The following DLD variants were observed in gnomAD, a reference collection of about 807,000 sequenced individuals.
The protein encoded by DLD is dihydrolipoamide dehydrogenase.
Under a neutral mutation model 62.2 loss-of-function variants are expected in DLD, and 36 were observed. The observed-to-expected ratio is 0.58, with a 90% CI of 0.44 to 0.76. DLD has a LOEUF of 0.76. Ranked by LOEUF, DLD falls within the 30% of genes least tolerant of loss-of-function variation. The pLI, the probability that DLD is intolerant of heterozygous loss-of-function variation, is 0.00. For missense variants in DLD, 541 were observed against 608.6 expected (o/e 0.89, Z 1.17); for synonymous variants, 204 against 199.6 (o/e 1.02, Z -0.19).
At chr7:107,918,792 T>G (rs1046800840) in intron 12 of DLD, among the ~76,000 whole-genome samples, 2 of 152,194 alleles carry the variant, frequency 1.3e-5, no homozygotes, top group Non-Finnish European at 2.9e-5. Flanking sequence ...ATGGTTAAGG[T>G]AGTAAGTGGT....
At chr7:107,914,697 G>T (rs2032225185) in intron 8 of DLD, among the ~76,000 whole-genome samples, 1 of 152,044 alleles carries the variant, frequency 6.6e-6, no homozygotes. Context: ...ATTACCAGAT[G>T]ATTTTAATAT....
chr7:107,902,537 A>AT (rs2031903886), intron 4 of DLD, 144 bp downstream of exon 4: 1 of 777,220 alleles, frequency 1.3e-6, no homozygotes, highest in Non-Finnish European at 2.2e-6. Flanking sequence ...AAAAAGAATG[A>AT]TAAAAAACAC....
intron 2 of DLD, among the ~76,000 whole-genome samples, chr7:107,897,501 G>A (rs1054085095): frequency 3.3e-5 from 5 of 151,306 alleles, no homozygotes; most frequent in African/African-American, 1.2e-4. Context: ...GCTTACATAA[G>A]ACAGTACACG....
chr7:107,914,479 G>A (rs913203236), intron 8 of DLD, among the ~76,000 whole-genome samples: 2 of 152,046 alleles, frequency 1.3e-5, no homozygotes, highest in Admixed American at 6.6e-5. Context: ...CTTCTCCTAG[G>A]TGTTCTTCTG....
chr7:107,915,009 A>C (rs1300386527), intron 8 of DLD, among the ~76,000 whole-genome samples: 2 of 151,990 alleles, frequency 1.3e-5, no homozygotes, highest in South Asian at 2.1e-4. Context: ...CTAGAGCAAC[A>C]CTCTTGCCCC....
intron 2 of DLD, among the ~76,000 whole-genome samples, chr7:107,899,460 C>T (rs540145032): frequency 1.8e-4 from 27 of 151,772 alleles, no homozygotes; most frequent in African/African-American, 6.0e-4. Flanking sequence ...TTCTCCTGAC[C>T]TTACTAAAAC....
At chr7:107,912,874 A>G (rs1260253914) in intron 8 of DLD, among the ~76,000 whole-genome samples, 3 of 152,186 alleles carry the variant, frequency 2.0e-5, no homozygotes, top group South Asian at 4.1e-4. Flanking sequence ...GTCTTTGCCC[A>G]GACCAGTGTC....
intron 1 of DLD, among the ~76,000 whole-genome samples, chr7:107,892,571 A>G (rs2031613401): frequency 7.0e-6 from 1 of 143,688 alleles, no homozygotes; most frequent in Admixed American, 6.9e-5. Context: ...TTTGAGACGG[A>G]GTCTCACTCT....
At chr7:107,908,926 G>C (rs962091798) in intron 8 of DLD, among the ~76,000 whole-genome samples, 1 of 152,022 alleles carries the variant, frequency 6.6e-6, no homozygotes, top group African/African-American at 2.4e-5. Flanking sequence ...TTAATGTTTA[G>C]TACTTAGGTC....
At chr7:107,906,485 C>T in intron 8 of DLD, 117 bp downstream of exon 8, 5 of 717,704 alleles carry the variant, frequency 7.0e-6, no homozygotes, top group Middle Eastern at 2.4e-4. Flanking sequence ...TTTGCTTAAA[C>T]ACTTCTAGTA....
At position 107,906,343 on chromosome 7, in the gene DLD, G is replaced by C; in HGVS notation, c.659G>C (p.Gly220Ala). ...GTTCCAGAAAAGATGGTTGTTATTG[G>C]TGCAGGAGTAATAGGTGTAGAATTG... is the stretch of plus-strand genomic sequence containing the variant. The part of the protein sequence containing the change: ...KKVPEKMVVI[G>A]AGVIGVELGS... The change falls in exon 8 of 14, where the codon GGT (glycine) becomes GCT (alanine). Residue 220 changes from glycine to alanine, a missense_variant. Coordinates refer to ENST00000205402, the MANE Select transcript of DLD (RefSeq NM_000108.5). 1 of 1,610,604 alleles carries C rather than the reference G, an allele frequency of 6.2e-7. No individual in the cohort carries two copies. Among genetic ancestry groups the C allele is most frequent in the Non-Finnish European group, 8.5e-7 (1 of 1,176,952 alleles).
intron 4 of DLD, 135 bp from the exon 5 acceptor site, chr7:107,903,343 A>C: frequency 1.7e-6 from 1 of 589,136 alleles, no homozygotes; most frequent in South Asian, 1.6e-5. Context: ...GCGCCATTGC[A>C]CTCCAGCTTG....
chr7:107,903,620 G>A (rs1208337147), intron 5 of DLD, 73 bp downstream of exon 5: 6 of 819,672 alleles, frequency 7.3e-6, no homozygotes, highest in East Asian at 2.6e-5. Flanking sequence ...AGACTTAAAT[G>A]TGTCTAACGT....
intron 2 of DLD, 101 bp from the exon 3 acceptor site, chr7:107,901,637 A>G: frequency 2.2e-6 from 2 of 908,356 alleles, no homozygotes; most frequent in Non-Finnish European, 3.6e-6. Flanking sequence ...TTTGTACTGT[A>G]AGAGGTTTAA....
rs536426840 is a variant in DLD, at chr7:107,909,248, A to T, written c.684+2880A>T. ...TCACTCATACTCATTATTCCAATCT[A>T]TATCTTAGTCTTGATTCTGTCACTC... On this transcript the variant is annotated intron_variant, in intron 8 of 13. Transcript: ENST00000205402. 5.9e-5 allele frequency among the ~76,000 whole-genome samples: 9 copies of T among 152,252 alleles called. No homozygotes were observed. The South Asian group carries it at 1.2e-3, about 21-fold the overall frequency.
At chr7:107,917,843 T>G (rs911784375) in intron 11 of DLD, 81 bp from the exon 12 acceptor site, 11 of 1,574,684 alleles carry the variant, frequency 7.0e-6, no homozygotes, top group Non-Finnish European at 8.7e-6. Flanking sequence ...ATTTATTTTC[T>G]GAACAAATGG....
chr7:107,895,889 C>T (rs561414707), intron 2 of DLD, among the ~76,000 whole-genome samples: 1 of 152,216 alleles, frequency 6.6e-6, no homozygotes, highest in East Asian at 1.9e-4. Context: ...CACACACAGA[C>T]ACAGCATGTG....
intron 8 of DLD, among the ~76,000 whole-genome samples, chr7:107,911,980 C>A (rs567853531): frequency 6.6e-6 from 1 of 152,018 alleles, no homozygotes; most frequent in Admixed American, 6.6e-5. Flanking sequence ...TCCTCTTCTC[C>A]CCCTAGCCTT....
chr7:107,917,116 A>G, intron 10 of DLD, 152 bp downstream of exon 10: 1 of 1,220,370 alleles, frequency 8.2e-7, no homozygotes, highest in East Asian at 2.5e-5. Context: ...ACTGAATTTT[A>G]CTCAAAGATA....
Sources: gnomAD v4.1 joint callset for allele counts (sites outside exome capture counted in the v4.1 genomes callset) on GRCh38, gnomAD v4.1.1 for gene constraint, MANE v1.5 for transcripts, NCBI Gene and HGNC (gene_info 2026-07-23, HGNC 2026-07-21) for gene names.